PRKCI: variants seen among roughly 807,000 people sequenced by gnomAD.
PRKCI encodes protein kinase C iota.
PRKCI carries 43 observed loss-of-function variants against 84.0 expected under a neutral mutation model. The ratio of observed to expected loss-of-function variants is 0.51; its 90% confidence interval spans 0.40 to 0.66. The LOEUF (loss-of-function observed/expected upper bound fraction) is 0.66. Among genes scored for constraint, PRKCI ranks in the 30% least tolerant of loss-of-function variants. PRKCI has a pLI of 0.00. For synonymous variants in PRKCI, 216 were observed against 234.4 expected (o/e 0.92, Z 0.72); for missense variants, 459 against 745.6 (o/e 0.62, Z 4.48).
At chr3:170,286,760 A>G (rs903483711) in intron 12 of PRKCI, among the ~76,000 whole-genome samples, 1 of 151,656 alleles carries the variant, frequency 6.6e-6, no homozygotes, top group African/African-American at 2.4e-5. Context: ...TTTATGATCA[A>G]TATTATAAAG....
chr3:170,225,811 TATA>T (rs1402719671), intron 1 of PRKCI, among the ~76,000 whole-genome samples: 2 of 152,058 alleles, frequency 1.3e-5, no homozygotes, highest in African/African-American at 4.8e-5. Context: ...CAAAGATGTG[TATA>T]GTGTTATTAT....
At chr3:170,248,337 A>G (rs910482381) in intron 2 of PRKCI, among the ~76,000 whole-genome samples, 15 of 150,538 alleles carry the variant, frequency 1.0e-4, no homozygotes, top group Non-Finnish European at 2.1e-4. Context: ...GTAAAGAACA[A>G]CAGCAGCAAC....
At chr3:170,235,388 T>G in intron 2 of PRKCI, 37 bp downstream of exon 2, 2 of 1,605,262 alleles carry the variant, frequency 1.2e-6, no homozygotes, top group African/African-American at 2.7e-5. Flanking sequence ...TGTAAGCATT[T>G]TAAGATCTTA....
At chr3:170,260,536 A>G (rs1733698284) in intron 3 of PRKCI, among the ~76,000 whole-genome samples, 1 of 152,124 alleles carries the variant, frequency 6.6e-6, no homozygotes, top group South Asian at 2.1e-4. Flanking sequence ...ATCTCGGCCC[A>G]CTGCAACCTC....
Position 170,222,587 on chromosome 3 carries a change from G to C in PRKCI, c.-83G>C. On this transcript the variant is annotated 5_prime_UTR_variant, in exon 1 of 18. Transcript: ENST00000295797. ...GCGGACGGCCGCGGTTCTCCGGCAA[G>C]CGCAGGCGGCGGAGTCCCCCACGGC... is the stretch of plus-strand genomic sequence containing the variant. 2.4e-6 allele frequency: 3 copies of C among 1,228,974 alleles called. No individual in the cohort carries two copies. Among genetic ancestry groups the C allele is most frequent in the South Asian group, 3.1e-5 (2 of 64,184 alleles). The allele number at this position is 1,228,974 out of a possible 1,614,324, so 76.1% of individuals were successfully genotyped here.
chr3:170,273,696 T>C (rs760181280), intron 7 of PRKCI, among the ~76,000 whole-genome samples: 25 of 151,798 alleles, frequency 1.6e-4, no homozygotes, highest in Non-Finnish European at 2.5e-4. Flanking sequence ...ACTCCTGTAG[T>C]CCCAGCTTCT....
chr3:170,288,375 T>C (rs1431131476), intron 12 of PRKCI, among the ~76,000 whole-genome samples: 1 of 152,250 alleles, frequency 6.6e-6, no homozygotes, highest in African/African-American at 2.4e-5. Flanking sequence ...TCAAGGTGTT[T>C]CATAAATCTG....
intron 6 of PRKCI, 148 bp downstream of exon 6, chr3:170,270,709 G>A (rs2108853841): frequency 1.9e-6 from 2 of 1,030,398 alleles, no homozygotes; most frequent in Non-Finnish European, 2.7e-6. Context: ...TTACGTTACT[G>A]TTAACACACC....
intron 2 of PRKCI, among the ~76,000 whole-genome samples, chr3:170,248,502 T>C (rs937113680): frequency 6.6e-6 from 1 of 152,212 alleles, no homozygotes; most frequent in Non-Finnish European, 1.5e-5. Flanking sequence ...TAGAGTGGGC[T>C]TTGAGAAATA....
At chr3:170,226,094 T>A (rs1431483970) in intron 1 of PRKCI, among the ~76,000 whole-genome samples, 1 of 151,970 alleles carries the variant, frequency 6.6e-6, no homozygotes, top group Non-Finnish European at 1.5e-5. Context: ...TGTATTTTAG[T>A]AGAGACGGGT....
At chr3:170,260,322 A>G (rs1733691250) in intron 3 of PRKCI, among the ~76,000 whole-genome samples, 1 of 152,218 alleles carries the variant, frequency 6.6e-6, no homozygotes, top group Admixed American at 6.5e-5. Flanking sequence ...CAGCAAATTT[A>G]TGATAGAACT....
At chr3:170,240,735 G>C (rs1340231823) in intron 2 of PRKCI, among the ~76,000 whole-genome samples, 1 of 152,172 alleles carries the variant, frequency 6.6e-6, no homozygotes, top group African/African-American at 2.4e-5. Flanking sequence ...GAGAAGTGCT[G>C]TTCCTCAAGC....
intron 6 of PRKCI, 50 bp from the exon 7 acceptor site, chr3:170,273,236 T>C (rs781738050): frequency 7.0e-7 from 1 of 1,424,882 alleles, no homozygotes; most frequent in Non-Finnish European, 9.9e-7. Context: ...TTATTTCTGG[T>C]GTAATAGAGG....
intron 2 of PRKCI, among the ~76,000 whole-genome samples, chr3:170,253,713 C>G (rs1733509937): frequency 1.3e-5 from 2 of 152,086 alleles, no homozygotes; most frequent in Admixed American, 6.6e-5. Context: ...ATGGCATGAA[C>G]CTGGGAGGCA....
At chr3:170,257,789 T>C (rs1705587) in intron 2 of PRKCI, among the ~76,000 whole-genome samples, 38,545 of 151,456 alleles carry the variant, frequency 0.25, 5,579 homozygotes, top group African/African-American at 0.4. Context: ...CTTAGCCTCC[T>C]GAGTAGCTGG....
In PRKCI at chr3:170,258,352, G is replaced by A. The variant is rs933785783; in HGVS notation, c.224-1617G>A. The stretch of plus-strand genomic sequence containing the variant: ...AGACAGTCTTGCTTTGTTGCCCAGG[G>A]TGGAGTTCAGTAGCACAATCTTGAC... On this transcript the variant is annotated intron_variant, in intron 2 of 17. Coordinates refer to ENST00000295797, the MANE Select transcript of PRKCI (RefSeq NM_002740.6). Among the ~76,000 whole-genome samples, 3 of 151,560 alleles carry A rather than the reference G, an allele frequency of 2.0e-5. No individual in the cohort carries two copies. The East Asian group carries it at 5.8e-4, about 29-fold the overall frequency.
intron 12 of PRKCI, among the ~76,000 whole-genome samples, chr3:170,290,396 C>T (rs1452441367): frequency 6.6e-6 from 1 of 151,752 alleles, no homozygotes; most frequent in East Asian, 1.9e-4. Context: ...AATATATGGC[C>T]AGTAGCCCAT....
At chr3:170,246,533 G>T (rs1341835241) in intron 2 of PRKCI, among the ~76,000 whole-genome samples, 1 of 152,042 alleles carries the variant, frequency 6.6e-6, no homozygotes, top group Non-Finnish European at 1.5e-5. Flanking sequence ...AAGCCCAAGT[G>T]ATCCTCCCGC....
intron 17 of PRKCI, among the ~76,000 whole-genome samples, chr3:170,299,985 G>A (rs542440357): frequency 1.3e-5 from 2 of 152,112 alleles, no homozygotes; most frequent in Non-Finnish European, 2.9e-5. Context: ...TATATTTTTT[G>A]TGCTTATACT....
Sources: gnomAD v4.1 joint callset for allele counts (sites outside exome capture counted in the v4.1 genomes callset) on GRCh38, gnomAD v4.1.1 for gene constraint, MANE v1.5 for transcripts, NCBI Gene and HGNC (gene_info 2026-07-23, HGNC 2026-07-21) for gene names.